RAB4A: variants seen among roughly 807,000 people sequenced by gnomAD.
RAB4A encodes RAB4A, member RAS oncogene family, also known as ras-related protein Rab-4A.
In RAB4A, 20 loss-of-function variants were observed where a neutral mutation model predicts 34.5. The ratio of observed to expected loss-of-function variants is 0.58; its 90% CI spans 0.41 to 0.84. The LOEUF (loss-of-function observed/expected upper bound fraction) is 0.84, where lower values mean the gene tolerates loss of function less well. Among genes scored for constraint, RAB4A ranks in the 40% least tolerant of loss-of-function variants. RAB4A has a pLI of 0.00. For missense variants in RAB4A, 228 were observed against 274.5 expected (o/e 0.83, Z 1.20); for synonymous variants, 102 against 100.0 (o/e 1.02, Z -0.12).
In RAB4A at chr1:229,302,282, TATATATATATATATATATATA is replaced by T. The variant is rs1375458734; in HGVS notation, c.542-579_542-559del. ...TTATATATATATATATATATATATA[TATATATATATATATATATATA>T]TATATATTTTTTTTTTTTTTTTACA... On this transcript the variant is annotated intron_variant, in intron 6 of 7. Transcript: ENST00000366690. Among the ~76,000 whole-genome samples, 39 of 19,370 alleles carry T rather than the reference TATATATATATATATATATATA, an allele frequency of 2.0e-3. 4 individuals carry two copies. Among genetic ancestry groups the T allele is most frequent in the African/African-American group, 9.4e-3 (36 of 3,848 alleles). 12.7% of individuals were successfully genotyped at this position (19,370 alleles called of 152,430 possible).
At chr1:229,272,255 T>G (rs886941847) in intron 1 of RAB4A, among the ~76,000 whole-genome samples, 1 of 152,130 alleles carries the variant, frequency 6.6e-6, no homozygotes, top group East Asian at 1.9e-4. Context: ...GATTAAGACT[T>G]TGATTTGGAG....
intron 6 of RAB4A, 112 bp from the exon 7 acceptor site, chr1:229,302,750 T>C (rs1657448314): frequency 4.4e-6 from 3 of 679,206 alleles, no homozygotes. Context: ...TTATTCAGAA[T>C]GGTGGGATAT....
At chr1:229,278,761 T>G (rs887041232) in intron 1 of RAB4A, among the ~76,000 whole-genome samples, 1 of 152,242 alleles carries the variant, frequency 6.6e-6, no homozygotes, top group Non-Finnish European at 1.5e-5. Context: ...TTATAAGAGC[T>G]GTCAGTACTT....
At chr1:229,279,697 A>G (rs1656733789) in intron 1 of RAB4A, among the ~76,000 whole-genome samples, 1 of 152,020 alleles carries the variant, frequency 6.6e-6, no homozygotes, top group African/African-American at 2.4e-5. Flanking sequence ...TACCTTTCCT[A>G]TTATCTCATT....
At chr1:229,275,913 A>C (rs551247788) in intron 1 of RAB4A, among the ~76,000 whole-genome samples, 1 of 151,154 alleles carries the variant, frequency 6.6e-6, no homozygotes, top group African/African-American at 2.5e-5. Context: ...GGCGTGAGCC[A>C]CCGTGCCCGT....
intron 1 of RAB4A, among the ~76,000 whole-genome samples, chr1:229,279,163 G>A (rs750371769): frequency 2.0e-5 from 3 of 152,142 alleles, no homozygotes; most frequent in Non-Finnish European, 2.9e-5. Flanking sequence ...ACAGCACTTA[G>A]CCTTTTCTGC....
At chr1:229,289,708 C>G (rs1322689788) in intron 3 of RAB4A, among the ~76,000 whole-genome samples, 1 of 152,122 alleles carries the variant, frequency 6.6e-6, no homozygotes, top group African/African-American at 2.4e-5. Context: ...CCCAGCTACT[C>G]TGGAGGCTGA....
chr1:229,287,343 TTC>T (rs1318009359), intron 2 of RAB4A, among the ~76,000 whole-genome samples: 1 of 152,240 alleles, frequency 6.6e-6, no homozygotes, highest in African/African-American at 2.4e-5. Context: ...TTTACTCTGC[TTC>T]TTCCATTTTC....
intron 1 of RAB4A, among the ~76,000 whole-genome samples, chr1:229,283,657 T>C (rs917541774): frequency 2.0e-5 from 3 of 151,918 alleles, no homozygotes; most frequent in African/African-American, 7.3e-5. Context: ...AAATCATTCC[T>C]TGGGCCCTGA....
chr1:229,286,805 A>C (rs980987334), intron 2 of RAB4A, among the ~76,000 whole-genome samples: 1 of 152,212 alleles, frequency 6.6e-6, no homozygotes, highest in Non-Finnish European at 1.5e-5. Context: ...CTGAGAGACC[A>C]TATAGTGATG....
At chr1:229,277,818 C>T (rs929475234) in intron 1 of RAB4A, among the ~76,000 whole-genome samples, 2 of 151,332 alleles carry the variant, frequency 1.3e-5, no homozygotes, top group Non-Finnish European at 2.9e-5. Context: ...ACTCCAACTC[C>T]ATCCAGTCTT....
At chr1:229,298,856 G>GCGA in intron 5 of RAB4A, 121 bp from the exon 6 acceptor site, 1 of 695,158 alleles carries the variant, frequency 1.4e-6, no homozygotes, top group Non-Finnish European at 2.5e-6. Context: ...AGAAATATAT[G>GCGA]GTTTTAGGTC....
chr1:229,288,703 A>G (rs771620930), intron 2 of RAB4A, 26 bp from the exon 3 acceptor site: 1 of 1,182,942 alleles, frequency 8.5e-7, no homozygotes. Flanking sequence ...AAAATTAAAT[A>G]TGCTGTTCTT....
intron 4 of RAB4A, among the ~76,000 whole-genome samples, chr1:229,297,056 A>T (rs1381295522): frequency 6.6e-6 from 1 of 152,216 alleles, no homozygotes; most frequent in Non-Finnish European, 1.5e-5. Flanking sequence ...GTGTCATGGA[A>T]TCTTTATAAA....
chr1:229,305,200 C>T lies in RAB4A; in HGVS notation c.*1407C>T, dbSNP rs1487940370. On this transcript the variant is annotated 3_prime_UTR_variant, in exon 8 of 8. Coordinates refer to ENST00000366690, the MANE Select transcript of RAB4A (RefSeq NM_004578.4). Reference sequence around the variant, plus strand: ...ATTTTGAGTTTTGCTTTTTTTATGCCTTGAATATTTTATTTCAAAAAGTAT... The same window carrying T: ...ATTTTGAGTTTTGCTTTTTTTATGCTTTGAATATTTTATTTCAAAAAGTAT... The T allele has an allele frequency of 2.5e-6, 4 of 1,606,142 alleles. No individual in the cohort carries two copies. The Admixed American group carries it at 5.1e-5, about 20-fold the overall frequency.
chr1:229,293,363 C>T (rs1227502434), intron 3 of RAB4A, among the ~76,000 whole-genome samples: 1 of 152,176 alleles, frequency 6.6e-6, no homozygotes, highest in East Asian at 1.9e-4. Context: ...TAAGTTCCAG[C>T]ACTCTCCTCA....
At chr1:229,294,612 G>A (rs1657187188) in intron 3 of RAB4A, among the ~76,000 whole-genome samples, 1 of 152,228 alleles carries the variant, frequency 6.6e-6, no homozygotes. Flanking sequence ...GGCCGAGGCG[G>A]GTGGATCATC....
intron 6 of RAB4A, among the ~76,000 whole-genome samples, chr1:229,302,655 A>G (rs1657444768): frequency 6.6e-6 from 1 of 151,122 alleles, no homozygotes. Flanking sequence ...GCCATCTAGA[A>G]CTCCTCCGAA....
At chr1:229,291,275 T>A (rs1357368021) in intron 3 of RAB4A, among the ~76,000 whole-genome samples, 1 of 152,190 alleles carries the variant, frequency 6.6e-6, no homozygotes, top group Non-Finnish European at 1.5e-5. Flanking sequence ...CAGAGACTTC[T>A]TAGAAATGTA....
Sources: allele counts gnomAD v4.1 joint callset (sites outside exome capture counted in the v4.1 genomes callset), GRCh38; gene constraint gnomAD v4.1.1; transcripts MANE v1.5; gene names NCBI Gene and HGNC (gene_info 2026-07-23, HGNC 2026-07-21).